The following USH2A variants were observed in gnomAD, a reference collection of about 807,000 sequenced individuals.
USH2A encodes usherin.
USH2A carries 443 observed loss-of-function variants against 538.9 expected under a neutral mutation model. That is an observed-to-expected ratio of 0.82 (90% CI 0.76 to 0.89). The LOEUF is 0.89. Ranked by LOEUF, USH2A falls within the 40% of genes least tolerant of loss-of-function variation. The pLI is 0.00. For missense variants in USH2A, 6,633 were observed against 6,324.8 expected (o/e 1.05, Z -1.65); for synonymous variants, 2,413 against 2,273.5 (o/e 1.06, Z -1.75).
chr1:215,901,401 A>T (rs2102470679), intron 38 of USH2A: 1 of 199,836 alleles, frequency 5.0e-6, no homozygotes, highest in South Asian at 8.4e-5. Context: ...AAGTTAGCTA[A>T]AATTGTATTT....
intron 21 of USH2A, among the ~76,000 whole-genome samples, chr1:216,124,022 TC>T (rs2033192372): frequency 6.6e-6 from 1 of 152,156 alleles, no homozygotes; most frequent in Non-Finnish European, 1.5e-5. Context: ...AGACTAGATT[TC>T]CTTATCCACA....
intron 61 of USH2A, among the ~76,000 whole-genome samples, chr1:215,708,859 G>T (rs1389290337): frequency 1.3e-5 from 2 of 152,130 alleles, no homozygotes; most frequent in Non-Finnish European, 2.9e-5. Flanking sequence ...TGTGTCAAGT[G>T]ACATATTGTA....
At chr1:216,113,925 T>C (rs990991899) in intron 21 of USH2A, among the ~76,000 whole-genome samples, 2 of 151,706 alleles carry the variant, frequency 1.3e-5, no homozygotes, top group African/African-American at 4.8e-5. Flanking sequence ...TATTTTGACA[T>C]GTAAAGTGAG....
rs1657959782 is a variant in USH2A, at chr1:215,674,973, G to A, written c.12938C>T (p.Pro4313Leu). 6.2e-7 allele frequency: 1 copy of A among 1,614,156 alleles called. No homozygotes were observed. Among genetic ancestry groups the A allele is most frequent in the African/African-American group, 1.3e-5 (1 of 75,042 alleles). ...NEMLYPFSFDPVTFNYTDEEL... is the reference protein window; with the variant it reads ...NEMLYPFSFDLVTFNYTDEEL... ...TTCATCAGTGTAATTGAAAGTCACA[G>A]GATCAAAGCTAAAAGGATAGAGCAT... Residue 4313 changes from proline (P) to leucine (L), a missense_variant, in exon 63 of 72, where the codon CCT (proline) becomes CTT (leucine). By Grantham distance (98) the Pro-to-Leu change is moderately conservative. Transcript: ENST00000307340.
intron 13 of USH2A, among the ~76,000 whole-genome samples, chr1:216,243,277 A>AT (rs1230848031): frequency 1.3e-5 from 2 of 152,158 alleles, no homozygotes; most frequent in African/African-American, 2.4e-5. Context: ...ACTTTGGCTG[A>AT]TTTTTTTAAA....
intron 26 of USH2A, among the ~76,000 whole-genome samples, chr1:216,079,704 G>T (rs1227948688): frequency 6.6e-6 from 1 of 152,110 alleles, no homozygotes; most frequent in African/African-American, 2.4e-5. Flanking sequence ...TGCACTAAAA[G>T]CTTAGCCTAC....
At chr1:215,882,280 T>C (rs1466007640) in intron 41 of USH2A, among the ~76,000 whole-genome samples, 2 of 152,046 alleles carry the variant, frequency 1.3e-5, no homozygotes, top group Admixed American at 1.3e-4. Context: ...ATTCTAAGAG[T>C]ATTTTGTCAA....
chr1:215,759,878 G>A, intron 56 of USH2A, 35 bp from the exon 57 acceptor site: 4 of 1,612,916 alleles, frequency 2.5e-6, no homozygotes, highest in Non-Finnish European at 2.5e-6. Flanking sequence ...TTTATTGTTA[G>A]GAGAAAATAA....
Position 215,667,652 on chromosome 1 carries a change from C to T in USH2A, c.14133+3320G>A, listed in dbSNP as rs1163862465. Among the ~76,000 whole-genome samples the T allele has an allele frequency of 4.0e-5, 6 of 151,088 alleles. No individual in the cohort carries two copies. In the Middle Eastern group the frequency reaches 0.01, roughly 259 times the overall value. ...GGCGGAGGTTACAGTGAGCCAAGATCGTGCCATTGCACTCCAGCCTGGGTG... is the reference window on the plus strand; with the variant it reads ...GGCGGAGGTTACAGTGAGCCAAGATTGTGCCATTGCACTCCAGCCTGGGTG... On this transcript the variant is annotated intron_variant, in intron 64 of 71. Transcript: ENST00000307340.
At chr1:216,016,458 T>G (rs1250542641) in intron 32 of USH2A, among the ~76,000 whole-genome samples, 6 of 152,222 alleles carry the variant, frequency 3.9e-5, no homozygotes, top group Non-Finnish European at 8.8e-5. Flanking sequence ...TTCTTCCATT[T>G]GTGCTTATGT....
chr1:216,215,852 C>T (rs986125114), intron 15 of USH2A, among the ~76,000 whole-genome samples: 10 of 152,086 alleles, frequency 6.6e-5, no homozygotes, highest in Non-Finnish European at 1.3e-4. Context: ...GTTAATAAAA[C>T]ATAAAATTAA....
chr1:216,097,627 C>T (rs2102573252), intron 21 of USH2A, among the ~76,000 whole-genome samples: 1 of 152,220 alleles, frequency 6.6e-6, no homozygotes, highest in South Asian at 2.1e-4. Flanking sequence ...AGAATCGGTT[C>T]AGTAATAGAA....
intron 4 of USH2A, among the ~76,000 whole-genome samples, chr1:216,355,360 AAAGAAAGAAAGAAAG>A (rs1394234658): frequency 4.0e-5 from 6 of 151,286 alleles, no homozygotes; most frequent in South Asian, 2.1e-4. Context: ...AGAAAGAAAG[AAAGAAAGAAAGAAAG>A]AAGGAAAGAA....
rs138375526 is a variant in USH2A, at chr1:215,874,114, G to T, written c.8681+3644C>A. Among the ~76,000 whole-genome samples the T allele has an allele frequency of 6.0e-3, 912 of 152,216 alleles. 10 individuals carry two copies. Among genetic ancestry groups the T allele is most frequent in the African/African-American group, 0.021 (859 of 41,538 alleles). On this transcript the variant is annotated intron_variant, in intron 43 of 71. Transcript: ENST00000307340. ...ATTGATGCTTAAAATGAAGGAGGTC[G>T]CCGCCCTCTTGTTAAACCCTGCCTG...
At chr1:215,824,533 G>A (rs968825530) in intron 47 of USH2A, among the ~76,000 whole-genome samples, 3 of 152,154 alleles carry the variant, frequency 2.0e-5, no homozygotes, top group African/African-American at 4.8e-5. Flanking sequence ...TTGGTGCCCA[G>A]GAAACCTGTG....
intron 11 of USH2A, among the ~76,000 whole-genome samples, chr1:216,269,788 G>A (rs1233030856): frequency 6.6e-6 from 1 of 152,132 alleles, no homozygotes; most frequent in African/African-American, 2.4e-5. Context: ...GCAAAAGTCT[G>A]CTGGCCTAGG....
chr1:216,016,721 T>C (rs1336486258), intron 32 of USH2A, among the ~76,000 whole-genome samples: 2 of 152,132 alleles, frequency 1.3e-5, no homozygotes, highest in Admixed American at 6.5e-5. Flanking sequence ...AATTGTTGAA[T>C]AGTAAAACCT....
intron 52 of USH2A, among the ~76,000 whole-genome samples, chr1:215,784,697 T>C (rs923571647): frequency 3.3e-5 from 5 of 152,206 alleles, no homozygotes; most frequent in Admixed American, 6.5e-5. Flanking sequence ...AATGGAATTA[T>C]CATAGCACCA....
chr1:215,765,116 T>C (rs1448515251), intron 56 of USH2A, among the ~76,000 whole-genome samples: 2 of 152,144 alleles, frequency 1.3e-5, no homozygotes, highest in Non-Finnish European at 2.9e-5. Flanking sequence ...TGAATTTAAA[T>C]ATATGAATTT....
Sources: gnomAD v4.1 joint callset for allele counts (sites outside exome capture counted in the v4.1 genomes callset) on GRCh38, gnomAD v4.1.1 for gene constraint, MANE v1.5 for transcripts, NCBI Gene and HGNC (gene_info 2026-07-23, HGNC 2026-07-21) for gene names.